The following NT5DC2 variants were observed in gnomAD, a reference collection of about 807,000 sequenced individuals.
NT5DC2 encodes 5'-nucleotidase domain containing 2.
NT5DC2 carries 41 observed loss-of-function variants against 70.0 expected under a neutral mutation model. The ratio of observed to expected loss-of-function variants is 0.59; its 90% CI spans 0.46 to 0.76. The LOEUF (loss-of-function observed/expected upper bound fraction) is 0.76. Among genes scored for constraint, NT5DC2 ranks in the 30% least tolerant of loss-of-function variants. NT5DC2 has a pLI of 0.00. For missense variants in NT5DC2, 705 were observed against 783.2 expected, an observed-to-expected ratio of 0.90 and a Z score of 1.19; for synonymous variants, 299 against 310.4, an observed-to-expected ratio of 0.96 and a Z score of 0.39.
At chr3:52,532,201 A>T (rs1044352852) in intron 1 of NT5DC2, 1 of 985,298 alleles carries the variant, frequency 1.0e-6, no homozygotes, top group African/African-American at 1.7e-5. Flanking sequence ...TCCTTGTATG[A>T]CAAGAGGAGC....
At position 52,524,545 on chromosome 3, in the gene NT5DC2, T is replaced by C. The variant is rs367968712; in HGVS notation, c.1599A>G (p.Ala533=). ...YPRRTPLQHE[A]PLWMDQLCTG... is the part of the protein sequence containing the mutation. Reference sequence around the variant, plus strand: ...TGCAGAGCTGGTCCATCCAGAGGGGTGCCTCGTGCTGCAGCGGCGTACGGC... The same window carrying C: ...TGCAGAGCTGGTCCATCCAGAGGGGCGCCTCGTGCTGCAGCGGCGTACGGC... Residue 533 remains alanine (A), a synonymous_variant, in exon 14 of 14, where the codon GCA becomes GCG. Transcript: ENST00000422318. 6.1e-5 allele frequency: 98 copies of C among 1,612,892 alleles called. No homozygotes were observed. In the African/African-American group the frequency reaches 9.5e-4, roughly 16 times the overall value.
At chr3:52,526,109 T>C (rs2079263652) in intron 10 of NT5DC2, 1 of 152,288 alleles carries the variant, frequency 6.6e-6, no homozygotes, top group Non-Finnish European at 1.5e-5. Flanking sequence ...ATACTGGGCA[T>C]AAAGAACTGC....
chr3:52,532,374 C>A, intron 1 of NT5DC2: 1 of 985,432 alleles, frequency 1.0e-6, no homozygotes, highest in Non-Finnish European at 1.2e-6. Context: ...CTGGGCCGCC[C>A]CTCCACAGAC....
chr3:52,527,134 C>T (rs374319374), intron 10 of NT5DC2, among the ~76,000 whole-genome samples, 160 bp downstream of exon 10: 5 of 152,204 alleles, frequency 3.3e-5, no homozygotes, highest in South Asian at 4.1e-4. Flanking sequence ...GTCAAGCTCT[C>T]GAGGCCACCC....
chr3:52,528,032 C>T lies in NT5DC2; in HGVS notation c.813G>A (p.Gln271=), dbSNP rs1208927786. Residue 271 remains glutamine (Q), a synonymous_variant, in exon 7 of 14, where the codon CAG becomes CAA. Coordinates refer to ENST00000422318, the MANE Select transcript of NT5DC2 (RefSeq NM_001134231.2). ...ACTTACCCATGTCCTGCTCGATCCA[C>T]TGGTACATGAGGCCCTTCACATGCA... ...RDVHVKGLMY[Q]WIEQDMEKYI... is the part of the protein sequence containing the mutation. 1 of 1,612,242 alleles carries T rather than the reference C, an allele frequency of 6.2e-7. No individual in the cohort carries two copies. Among genetic ancestry groups the T allele is most frequent in the South Asian group, 1.1e-5 (1 of 90,860 alleles).
rs61419666 is a variant in NT5DC2, at chr3:52,525,162, G to A, written c.1206+47C>T. The A allele has an allele frequency of 0.011, 11,193 of 1,062,688 alleles. 742 individuals are homozygous for A. In the African/African-American group the frequency reaches 0.15, roughly 15 times the overall value. 65.8% of individuals were successfully genotyped at this position (1,062,688 alleles called of 1,614,324 possible). A position where few individuals can be genotyped will look rare whatever the true frequency, so the allele number is the denominator to read the frequency against. ...CCAGTTGCTGGGGGCGGGGGGGGGG[G>A]GGTTTCCTGGCCCTCCCCCACTGCA... On this transcript the variant is annotated intron_variant, in intron 11 of 13. Transcript: ENST00000422318.
rs111743961 is a variant in NT5DC2 at position 52,529,844 on chromosome 3, C to G, written c.233-510G>C. 0.035 allele frequency: 6,048 copies of G among 171,624 alleles called. 399 individuals are homozygous for G. The highest frequency in any genetic ancestry group is 0.13 in the African/African-American group (5,594 of 42,232). The allele number at this position is 171,624 out of a possible 1,614,324, so 10.6% of individuals were successfully genotyped here. On this transcript the variant is annotated intron_variant, in intron 1 of 13. Coordinates refer to ENST00000422318, the MANE Select transcript of NT5DC2 (RefSeq NM_001134231.2). This position sits in a 1 kb window ranked among gnomAD's most constrained non-coding sequence, Gnocchi z 4.1. Reference sequence around the variant, plus strand: ...TCCTCTCAGCTGCCCTGCCCTGCCCCCTGGCCTCATCTCTCAGCCTCCCTG... The same window carrying G: ...TCCTCTCAGCTGCCCTGCCCTGCCCGCTGGCCTCATCTCTCAGCCTCCCTG...
rs2079358275 is a variant in NT5DC2 at position 52,531,476 on chromosome 3, CAG to C, written c.232+2028_232+2029del. On this transcript the variant is annotated intron_variant, in intron 1 of 13. Coordinates refer to ENST00000422318, the MANE Select transcript of NT5DC2 (RefSeq NM_001134231.2). This position sits in a 1 kb window ranked among gnomAD's most constrained non-coding sequence, Gnocchi z 4.1. The stretch of plus-strand genomic sequence containing the variant: ...TCGGCAGTGCAGCCCCTTGCTGGCA[CAG>C]AGTCCTGGTTAGGTCCAGGCCTTCA... Among the ~76,000 whole-genome samples the C allele has an allele frequency of 6.6e-6, 1 of 152,166 alleles. No individual in the cohort carries two copies. The highest frequency in any genetic ancestry group is 1.9e-4 in the East Asian group (1 of 5,192).
At chr3:52,527,194 G>C in intron 10 of NT5DC2, 100 bp downstream of exon 10, 2 of 1,127,682 alleles carry the variant, frequency 1.8e-6, no homozygotes, top group South Asian at 2.7e-5. Context: ...TCAGGGCCAA[G>C]GAGCTGTGCT....
upstream of NT5DC2, chr3:52,533,946 G>T (rs2079397174): frequency 1.8e-6 from 1 of 544,298 alleles, no homozygotes; most frequent in Non-Finnish European, 2.3e-6. Flanking sequence ...GCGGGGCGGG[G>T]CGGGGAGGGC....
In NT5DC2 at chr3:52,533,797, G is replaced by GCCGCCCT. The variant is rs1218374638; in HGVS notation, c.-67_-61dup. The GCCGCCCT allele has an allele frequency of 1.4e-5, 14 of 975,018 alleles. No individual in the cohort carries two copies. Among genetic ancestry groups the GCCGCCCT allele is most frequent in the East Asian group, 2.5e-4 (2 of 8,086 alleles). The allele number at this position is 975,018 out of a possible 1,614,324, so 60.4% of individuals were successfully genotyped here. On this transcript the variant is annotated 5_prime_UTR_variant, in exon 1 of 14. Coordinates refer to ENST00000422318, the MANE Select transcript of NT5DC2 (RefSeq NM_001134231.2). Reference sequence around the variant, plus strand: ...TCGGCCAGCCCGCCGCCCGCCGCCCGCCGCCCTCCGACTGCGCGCCCGCCA... The same window carrying GCCGCCCT: ...TCGGCCAGCCCGCCGCCCGCCGCCCGCCGCCCTCCGCCCTCCGACTGCGCGCCCGCCA...
At position 52,528,330 on chromosome 3, in the gene NT5DC2, T is replaced by C; in HGVS notation, c.643-19A>G. On this transcript the variant is annotated intron_variant, in intron 5 of 13. Coordinates refer to ENST00000422318, the MANE Select transcript of NT5DC2 (RefSeq NM_001134231.2). ...AGGGACCCTGGGGAGGGGGCCATTG[T>C]CTCAGACACCCTTTGGGACCCCAAC... 6.2e-7 allele frequency: 1 copy of C among 1,613,180 alleles called. No individual in the cohort carries two copies. Among genetic ancestry groups the C allele is most frequent in the Non-Finnish European group, 8.5e-7 (1 of 1,180,014 alleles).
Position 52,528,001 on chromosome 3 carries a change from G to A in NT5DC2, c.832+12C>T. ...TCAGGCCGGCCACGGCAGGGCTTCT[G>A]TCCACACTTACCCATGTCCTGCTCG... On this transcript the variant is annotated intron_variant, in intron 7 of 13. Transcript: ENST00000422318. 2.5e-6 allele frequency: 4 copies of A among 1,612,740 alleles called. No individual in the cohort carries two copies. The South Asian group carries it at 3.3e-5, about 13-fold the overall frequency.
At position 52,533,673 on chromosome 3, in the gene NT5DC2, G is replaced by A; in HGVS notation, c.65C>T (p.Pro22Leu). 8.9e-7 allele frequency: 1 copy of A among 1,117,348 alleles called. No individual in the cohort carries two copies. Among genetic ancestry groups the A allele is most frequent in the Non-Finnish European group, 1.1e-6 (1 of 915,714 alleles). The allele number at this position is 1,117,348 out of a possible 1,614,324, so 69.2% of individuals were successfully genotyped here. ...RWLLCGGHGG[P>L]RAASSSPSCP... Reference sequence around the variant, plus strand: ...GGAGGGCGAGGACGAGGCGGCTCGCGGCCCGCCGTGGCCTCCGCACAGCAG... The same window carrying A: ...GGAGGGCGAGGACGAGGCGGCTCGCAGCCCGCCGTGGCCTCCGCACAGCAG... The change falls in exon 1 of 14, where the codon CCG (proline) becomes CTG (leucine). Residue 22 changes from proline (P) to leucine (L), a missense_variant. Coordinates refer to ENST00000422318, the MANE Select transcript of NT5DC2 (RefSeq NM_001134231.2).
chr3:52,525,185 G>A lies in NT5DC2; in HGVS notation c.1206+24C>T, dbSNP rs756325395. On this transcript the variant is annotated intron_variant, in intron 11 of 13. Transcript: ENST00000422318. Reference sequence around the variant, plus strand: ...GGGGGTTTCCTGGCCCTCCCCCACTGCAGCCCAGCCCTGCCTCCCTCACCG... The same window carrying A: ...GGGGGTTTCCTGGCCCTCCCCCACTACAGCCCAGCCCTGCCTCCCTCACCG... 5.0e-6 allele frequency: 8 copies of A among 1,601,364 alleles called. No homozygotes were observed. The African/African-American group carries it at 1.1e-4, about 21-fold the overall frequency.
rs1559737301 is a variant in NT5DC2 at position 52,527,357 on chromosome 3, AT to A, written c.1055del (p.Asp352ValfsTer31). On this transcript the variant is annotated frameshift_variant, in exon 10 of 14. Coordinates refer to ENST00000422318, the MANE Select transcript of NT5DC2 (RefSeq NM_001134231.2). LOFTEE classifies it high-confidence loss of function. ...TDRRKPFRKL[D>X]EKGSLQWDRI... ...GGTCCCACTGAAGTGAGCCCTTCTC[AT>A]CGAGTTTTCTGAAAGGCCTGGGGTG... The A allele has an allele frequency of 1.2e-6, 2 of 1,614,088 alleles. No homozygotes were observed. Among genetic ancestry groups the A allele is most frequent in the Admixed American group, 3.3e-5 (2 of 60,006 alleles).
intron 10 of NT5DC2, 90 bp from the exon 11 acceptor site, chr3:52,525,385 A>G: frequency 1.0e-6 from 1 of 971,364 alleles, no homozygotes; most frequent in Admixed American, 2.1e-5. Flanking sequence ...GCCCAAATCC[A>G]GCCGGATGCT....
In NT5DC2 at chr3:52,529,739, C is replaced by T. The variant is rs748938318; in HGVS notation, c.233-405G>A. 9.1e-6 allele frequency: 2 copies of T among 218,746 alleles called. No homozygotes were observed. The highest frequency in any genetic ancestry group is 1.6e-4 in the South Asian group (2 of 12,428). The allele number at this position is 218,746 out of a possible 1,614,324, so 13.6% of individuals were successfully genotyped here. On this transcript the variant is annotated intron_variant, in intron 1 of 13. Coordinates refer to ENST00000422318, the MANE Select transcript of NT5DC2 (RefSeq NM_001134231.2). This position sits in a 1 kb window ranked among gnomAD's most constrained non-coding sequence, Gnocchi z 4.1. ...GAACAGCTGCTTTTGGGATGCTCTA[C>T]AAAGCAAAGCCTCCCACTTGCTCAA...
rs1278870259 is a variant in NT5DC2, at chr3:52,529,538, C to G, written c.233-204G>C. The stretch of plus-strand genomic sequence containing the variant: ...GTCACGCAGTTAGGGTAAGGCAGAG[C>G]CCCTGGCTGGAGCTCCTCCTCATGG... On this transcript the variant is annotated intron_variant, in intron 1 of 13. Transcript: ENST00000422318. This position sits in a 1 kb window ranked among gnomAD's most constrained non-coding sequence, Gnocchi z 4.1. Among the ~76,000 whole-genome samples the G allele has an allele frequency of 1.3e-5, 2 of 152,042 alleles. No individual in the cohort carries two copies. Among genetic ancestry groups the G allele is most frequent in the Non-Finnish European group, 2.9e-5 (2 of 67,980 alleles).
Sources: gnomAD v4.1 joint callset for allele counts (sites outside exome capture counted in the v4.1 genomes callset) on GRCh38, gnomAD v4.1.1 for gene constraint, Gnocchi (gnomAD v3.1) non-coding constraint, MANE v1.5 for transcripts, NCBI Gene and HGNC (gene_info 2026-07-23, HGNC 2026-07-21) for gene names.